PDE4B: variants seen among roughly 807,000 people sequenced by gnomAD.
PDE4B encodes phosphodiesterase 4B.
In PDE4B, 20 loss-of-function variants were observed where a neutral mutation model predicts 82.2. The ratio of observed to expected loss-of-function variants is 0.24; its 90% CI spans 0.17 to 0.35. PDE4B has a LOEUF of 0.35. Among genes scored for constraint, PDE4B ranks in the 10% least tolerant of loss-of-function variants. The pLI is 1.00. For synonymous variants in PDE4B, 320 were observed against 318.9 expected, an observed-to-expected ratio of 1.00 and a Z score of -0.04; for missense variants, 655 against 907.2, an observed-to-expected ratio of 0.72 and a Z score of 3.57.
At position 66,027,109 on chromosome 1, in the gene PDE4B, T is replaced by G. The variant is rs551378872; in HGVS notation, c.281+108274T>G. 2.6e-4 allele frequency among the ~76,000 whole-genome samples: 40 copies of G among 152,318 alleles called. No individual in the cohort carries two copies. In the South Asian group the frequency reaches 8.1e-3, roughly 31 times the overall value. On this transcript the variant is annotated intron_variant, in intron 3 of 16. Transcript: ENST00000341517. ...TATAATCTACTAAAATCTAAAAATA[T>G]GTGTATTAATCTGTTTCATGCTGCT...
intron 3 of PDE4B, among the ~76,000 whole-genome samples, chr1:66,073,091 C>T (rs1411386341): frequency 4.0e-5 from 6 of 151,688 alleles, no homozygotes; most frequent in African/African-American, 1.2e-4. Flanking sequence ...ACAATGCCCT[C>T]GCTGGGGTTT....
At chr1:66,012,591 C>A (rs2100743137) in intron 3 of PDE4B, among the ~76,000 whole-genome samples, 1 of 152,182 alleles carries the variant, frequency 6.6e-6, no homozygotes, top group East Asian at 1.9e-4. Flanking sequence ...AAGGAGTAAC[C>A]ACATTGTGAG....
At chr1:66,217,308 T>A (rs1445535358) in intron 3 of PDE4B, among the ~76,000 whole-genome samples, 1 of 152,024 alleles carries the variant, frequency 6.6e-6, no homozygotes, top group Non-Finnish European at 1.5e-5. Context: ...TTCACAGAAG[T>A]GTAGGCAAGG....
chr1:66,181,859 A>G (rs2101407267), intron 3 of PDE4B, among the ~76,000 whole-genome samples: 1 of 152,260 alleles, frequency 6.6e-6, no homozygotes, highest in Middle Eastern at 3.4e-3. Flanking sequence ...CAGTGCATTT[A>G]TTAGTTTGAT....
rs1203656469 is a variant in PDE4B at position 66,332,515 on chromosome 1, T to C, written c.642T>C (p.Ser214=). The C allele has an allele frequency of 1.9e-6, 3 of 1,614,074 alleles. No individual in the cohort carries two copies. Residue 214 remains serine (S), a synonymous_variant, in exon 8 of 17, where the codon TCT becomes TCC. Transcript: ENST00000341517. The part of the protein sequence containing the change: ...PVSRVNPQEE[S]YQKLAMETLE... ...CTGTGTGTTTGTTTGCAGAAGAATC[T>C]TATCAAAAATTAGCAATGGAAACGC...
intron 1 of PDE4B, among the ~76,000 whole-genome samples, chr1:65,903,102 G>A (rs1646989647): frequency 1.3e-5 from 2 of 152,254 alleles, no homozygotes; most frequent in Non-Finnish European, 2.9e-5. Flanking sequence ...TTATGGAAGT[G>A]GGTATAATAA....
intron 1 of PDE4B, among the ~76,000 whole-genome samples, chr1:65,865,935 T>A (rs1646505977): frequency 1.3e-5 from 2 of 152,294 alleles, no homozygotes; most frequent in Admixed American, 6.5e-5. Flanking sequence ...TTGAAACTAG[T>A]ACAAAGCTCT....
Position 66,220,982 on chromosome 1 carries a change from TA to T in PDE4B, c.282-26477del, listed in dbSNP as rs557280511. Reference sequence around the variant, plus strand: ...GCAATAACAATATTTATATAACATATATTAATATTTCAGTTAGGATTTTTTA... The same window carrying T: ...GCAATAACAATATTTATATAACATATTTAATATTTCAGTTAGGATTTTTTA... On this transcript the variant is annotated intron_variant, in intron 3 of 16. Transcript: ENST00000341517. Among the ~76,000 whole-genome samples the T allele has an allele frequency of 4.5e-4, 68 of 152,306 alleles. 1 individual carries two copies. The highest frequency in any genetic ancestry group is 1.5e-3 in the African/African-American group (64 of 41,576).
intron 3 of PDE4B, among the ~76,000 whole-genome samples, chr1:66,165,826 A>G (rs1646718245): frequency 6.6e-6 from 1 of 152,146 alleles, no homozygotes; most frequent in South Asian, 2.1e-4. Flanking sequence ...AGATTCGTTT[A>G]CAGATTCAAA....
At chr1:66,135,024 T>C (rs1646028201) in intron 3 of PDE4B, among the ~76,000 whole-genome samples, 2 of 152,206 alleles carry the variant, frequency 1.3e-5, no homozygotes, top group African/African-American at 4.8e-5. Flanking sequence ...GGGTTGAGTC[T>C]TATAGGATGA....
rs143335374 is a variant in PDE4B, at chr1:66,216,611, C to A, written c.282-30849C>A. On this transcript the variant is annotated intron_variant, in intron 3 of 16. Coordinates refer to ENST00000341517, the MANE Select transcript of PDE4B (RefSeq NM_002600.4). ...AAGCACATCATATTATTAGACAAAG[C>A]AATGCAATTTGGCCATGAGACTGCT... Among the ~76,000 whole-genome samples the A allele has an allele frequency of 2.0e-4, 30 of 152,196 alleles. 1 individual carries two copies. In the East Asian group the frequency reaches 5.8e-3, roughly 29 times the overall value.
intron 3 of PDE4B, among the ~76,000 whole-genome samples, chr1:66,173,333 A>G (rs1646873752): frequency 1.3e-5 from 2 of 152,186 alleles, no homozygotes; most frequent in African/African-American, 2.4e-5. Flanking sequence ...GAGGGACCAT[A>G]AAGATATTAA....
intron 3 of PDE4B, among the ~76,000 whole-genome samples, chr1:66,246,842 C>T (rs1463956891): frequency 6.6e-6 from 1 of 152,196 alleles, no homozygotes; most frequent in Non-Finnish European, 1.5e-5. Context: ...TTGGTGTTAG[C>T]AGATTAATTA....
intron 3 of PDE4B, among the ~76,000 whole-genome samples, chr1:66,166,338 G>C (rs1215495925): frequency 6.6e-6 from 1 of 152,142 alleles, no homozygotes; most frequent in Non-Finnish European, 1.5e-5. Flanking sequence ...TTAGTCAATG[G>C]TTTCTTAGCT....
At chr1:66,277,214 C>T (rs1158767204) in intron 7 of PDE4B, among the ~76,000 whole-genome samples, 1 of 151,940 alleles carries the variant, frequency 6.6e-6, no homozygotes. Context: ...GCACTTTGAA[C>T]AACAGTAAGG....
At chr1:65,880,973 G>A (rs1646701850) in intron 1 of PDE4B, among the ~76,000 whole-genome samples, 1 of 152,062 alleles carries the variant, frequency 6.6e-6, no homozygotes, top group Non-Finnish European at 1.5e-5. Flanking sequence ...CCCCCTCATT[G>A]CTGACTTCAG....
chr1:66,096,047 A>G (rs1645107216), intron 3 of PDE4B, among the ~76,000 whole-genome samples: 1 of 151,772 alleles, frequency 6.6e-6, no homozygotes, highest in Admixed American at 6.6e-5. Flanking sequence ...TTCTCCTTCT[A>G]GCTATTTGAA....
chr1:66,281,902 A>G (rs763482781), intron 7 of PDE4B, among the ~76,000 whole-genome samples: 7 of 152,184 alleles, frequency 4.6e-5, no homozygotes, highest in Admixed American at 1.3e-4. Context: ...CTTGTAACAG[A>G]CAGACCTAGG....
At chr1:66,048,736 C>T (rs762555519) in intron 3 of PDE4B, 2 of 151,864 alleles carry the variant, frequency 1.3e-5, no homozygotes, top group Non-Finnish European at 2.9e-5. Context: ...TCTTCATTCT[C>T]GGATGTTTTA....
Sources: gnomAD v4.1 joint callset for allele counts (sites outside exome capture counted in the v4.1 genomes callset) on GRCh38, gnomAD v4.1.1 for gene constraint, MANE v1.5 for transcripts, NCBI Gene and HGNC (gene_info 2026-07-23, HGNC 2026-07-21) for gene names.